The following DAGLA variants were observed in gnomAD, a reference collection of about 807,000 sequenced individuals.
DAGLA encodes the protein diacylglycerol lipase alpha, also known as diacylglycerol lipase-alpha.
Under a neutral mutation model 102.6 loss-of-function variants are expected in DAGLA, and 22 were observed. The observed-to-expected ratio is 0.21, with a 90% CI of 0.15 to 0.31. The LOEUF is 0.31. DAGLA is among the 10% of genes least tolerant of loss of function. The pLI, the probability that DAGLA is intolerant of heterozygous loss-of-function variation, is 1.00. For missense variants in DAGLA, 927 were observed against 1,446.6 expected, an observed-to-expected ratio of 0.64 and a Z score of 5.83; for synonymous variants, 578 against 628.9, an observed-to-expected ratio of 0.92 and a Z score of 1.21.
At chr11:61,737,150 G>T in intron 13 of DAGLA, 32 bp from the exon 14 acceptor site, 1 of 1,612,636 alleles carries the variant, frequency 6.2e-7, no homozygotes, top group Non-Finnish European at 8.5e-7. Context: ...CGGGCATTGG[G>T]GCAGGGCTCT....
intron 1 of DAGLA, among the ~76,000 whole-genome samples, chr11:61,683,701 T>C (rs2064963269): frequency 6.6e-6 from 1 of 152,008 alleles, no homozygotes; most frequent in African/African-American, 2.4e-5. Context: ...CTGAAGACAC[T>C]GAGAGGAGGA....
intron 5 of DAGLA, among the ~76,000 whole-genome samples, chr11:61,725,765 C>T (rs959470198): frequency 7.9e-5 from 12 of 152,332 alleles, no homozygotes; most frequent in South Asian, 2.1e-4. Flanking sequence ...CAACGGCACA[C>T]ACCATCTTAG....
intron 1 of DAGLA, among the ~76,000 whole-genome samples, chr11:61,694,662 A>C (rs1005229878): frequency 3.9e-5 from 6 of 152,258 alleles, no homozygotes; most frequent in Admixed American, 3.9e-4. Flanking sequence ...GGCAGCCCTG[A>C]ATCTGTGGCC....
At chr11:61,688,845 G>A (rs1385328394) in intron 1 of DAGLA, among the ~76,000 whole-genome samples, 1 of 152,240 alleles carries the variant, frequency 6.6e-6, no homozygotes, top group Non-Finnish European at 1.5e-5. Context: ...GGGGCCACCA[G>A]CCTCACAGTG....
At chr11:61,728,800 A>G in intron 7 of DAGLA, 131 bp from the exon 8 acceptor site, 1 of 714,650 alleles carries the variant, frequency 1.4e-6, no homozygotes, top group Non-Finnish European at 2.4e-6. Context: ...TGGAAGAACT[A>G]GAAGCTGCAT....
chr11:61,685,538 C>T (rs965688564), intron 1 of DAGLA, among the ~76,000 whole-genome samples: 1 of 151,824 alleles, frequency 6.6e-6, no homozygotes, highest in Non-Finnish European at 1.5e-5. Flanking sequence ...ATTTCTTGAG[C>T]GCCTGCTGTG....
At chr11:61,737,901 AGTG>A (rs1290547065) in intron 15 of DAGLA, 146 bp downstream of exon 15, 7 of 759,204 alleles carry the variant, frequency 9.2e-6, no homozygotes, top group Non-Finnish European at 1.5e-5. Flanking sequence ...TTAGTTGCCC[AGTG>A]GTGAGAAGCC....
Position 61,745,605 on chromosome 11 carries a change from T to C in DAGLA, c.*1116T>C. 6.5e-6 allele frequency: 1 copy of C among 152,718 alleles called. No individual in the cohort carries two copies. Among genetic ancestry groups the C allele is most frequent in the Non-Finnish European group, 1.5e-5 (1 of 68,090 alleles). 9.5% of individuals were successfully genotyped at this position (152,718 alleles called of 1,614,324 possible). ...TCTGTCCACTGCCCAGGGAGGGGCC[T>C]GGGGCTGGGAGCAGTCCCGGTTTAG... On this transcript the variant is annotated 3_prime_UTR_variant, in exon 20 of 20. Coordinates refer to ENST00000257215, the MANE Select transcript of DAGLA (RefSeq NM_006133.3).
rs749842583 is a variant in DAGLA at position 61,743,883 on chromosome 11, GGCGGCCGACA to G, written c.2526_2535del (p.Ala843CysfsTer158). 6.2e-7 allele frequency: 1 copy of G among 1,612,414 alleles called. No individual in the cohort carries two copies. The highest frequency in any genetic ancestry group is 8.5e-7 in the Non-Finnish European group (1 of 1,179,884). On this transcript the variant is annotated frameshift_variant, in exon 20 of 20. Coordinates refer to ENST00000257215, the MANE Select transcript of DAGLA (RefSeq NM_006133.3). LOFTEE classifies it high-confidence loss of function. ...CCCTGAGCTCGCGCACTGAGCTGCT[GGCGGCCGACA>G]GCCTGTCCAAGCACTCACAGGACAC...
intron 1 of DAGLA, among the ~76,000 whole-genome samples, chr11:61,716,899 A>G (rs2065239634): frequency 6.6e-6 from 1 of 152,118 alleles, no homozygotes; most frequent in Non-Finnish European, 1.5e-5. Flanking sequence ...AAGTCATTCC[A>G]TCCATGTGAG....
chr11:61,694,137 C>T (rs1342413723), intron 1 of DAGLA, among the ~76,000 whole-genome samples: 2 of 152,248 alleles, frequency 1.3e-5, no homozygotes, highest in African/African-American at 4.8e-5. Context: ...CAGCATTCCT[C>T]TATGAGCTTA....
intron 8 of DAGLA, among the ~76,000 whole-genome samples, chr11:61,730,030 C>T (rs979287141): frequency 1.3e-5 from 2 of 151,394 alleles, no homozygotes; most frequent in Non-Finnish European, 2.9e-5. Context: ...CTATGATTGC[C>T]ACTGCACTCC....
chr11:61,718,381 C>T (rs1049180327), intron 1 of DAGLA, among the ~76,000 whole-genome samples: 4 of 152,270 alleles, frequency 2.6e-5, no homozygotes, highest in Admixed American at 2.0e-4. Flanking sequence ...CCCGACCCAG[C>T]GCTGCACCTT....
intron 6 of DAGLA, among the ~76,000 whole-genome samples, chr11:61,727,836 G>A (rs543322535): frequency 1.3e-4 from 20 of 152,332 alleles, no homozygotes; most frequent in Admixed American, 7.8e-4. Context: ...TGATTCTAGC[G>A]TCTGGGAAAG....
At chr11:61,711,091 G>A (rs908053014) in intron 1 of DAGLA, among the ~76,000 whole-genome samples, 1 of 152,192 alleles carries the variant, frequency 6.6e-6, no homozygotes, top group Non-Finnish European at 1.5e-5. Context: ...CCGGGAGAGT[G>A]GGGTAAAGAC....
rs1193758743 is a variant in DAGLA at position 61,684,274 on chromosome 11, C to T, written c.-45+3770C>T. Among the ~76,000 whole-genome samples the T allele has an allele frequency of 6.6e-6, 1 of 152,234 alleles. No homozygotes were observed. The highest frequency in any genetic ancestry group is 1.5e-5 in the Non-Finnish European group (1 of 68,046). ...ACTCCAGTGGACTGGGCAAGTAGCG[C>T]TGGGGGAAATATCAATGAGCATGTG... On this transcript the variant is annotated intron_variant, in intron 1 of 19. Coordinates refer to ENST00000257215, the MANE Select transcript of DAGLA (RefSeq NM_006133.3). The surrounding 1 kb of genome is among the most constrained non-coding windows in gnomAD (Gnocchi z 4.5).
rs953359756 is a variant in DAGLA, at chr11:61,696,070, C to A, written c.-45+15566C>A. On this transcript the variant is annotated intron_variant, in intron 1 of 19. Coordinates refer to ENST00000257215, the MANE Select transcript of DAGLA (RefSeq NM_006133.3). ...CGCCCCCACTGAGACTCCTCCCTGT[C>A]CCCACCACCAGGCTTGCTCTCAGGG... Among the ~76,000 whole-genome samples the A allele has an allele frequency of 2.6e-5, 4 of 152,310 alleles. No homozygotes were observed. The South Asian group carries it at 8.3e-4, about 32-fold the overall frequency.
intron 1 of DAGLA, among the ~76,000 whole-genome samples, chr11:61,690,978 C>A (rs1041831310): frequency 6.6e-6 from 1 of 152,212 alleles, no homozygotes; most frequent in South Asian, 2.1e-4. Context: ...CTTTCAGGCT[C>A]GCACAGCATG....
intron 1 of DAGLA, among the ~76,000 whole-genome samples, chr11:61,681,166 T>G (rs1036247585): frequency 6.6e-6 from 1 of 152,036 alleles, no homozygotes; most frequent in Admixed American, 6.6e-5. Context: ...TCACGGGCGA[T>G]GAAGGGGACA....
Sources: gnomAD v4.1 joint callset for allele counts (sites outside exome capture counted in the v4.1 genomes callset) on GRCh38, gnomAD v4.1.1 for gene constraint, Gnocchi (gnomAD v3.1) non-coding constraint, MANE v1.5 for transcripts, NCBI Gene and HGNC (gene_info 2026-07-23, HGNC 2026-07-21) for gene names.